Variants in STMND1 observed in about 807,000 individuals in gnomAD.
STMND1 encodes stathmin domain-containing protein 1.
Under a neutral mutation model 23.0 loss-of-function variants are expected in STMND1, and 17 were observed. The observed-to-expected ratio is 0.74, with a 90% CI of 0.51 to 1.11. STMND1 has a LOEUF of 1.11. Among genes scored for constraint, STMND1 ranks in the 50% least tolerant of loss-of-function variants. STMND1 has a pLI of 0.00. For missense variants in STMND1, 305 were observed against 329.1 expected (o/e 0.93, Z 0.57); for synonymous variants, 114 against 119.9 (o/e 0.95, Z 0.32).
intron 1 of STMND1, among the ~76,000 whole-genome samples, chr6:17,104,309 C>CA (rs1760987227): frequency 1.3e-5 from 2 of 152,096 alleles, no homozygotes; most frequent in African/African-American, 4.8e-5. Context: ...CCTTTTCATA[C>CA]AAAAATCTTT....
chr6:17,123,540 C>T lies in STMND1; in HGVS notation c.411+2782C>T, dbSNP rs187000481. Among the ~76,000 whole-genome samples, 324 of 152,256 alleles carry T rather than the reference C, an allele frequency of 2.1e-3. 3 individuals carry two copies. Among genetic ancestry groups the T allele is most frequent in the Admixed American group, 0.018 (281 of 15,282 alleles). ...CATCCCAGTGCCTAGGTACCACTTC[C>T]GACCACACAGCCTGGGCGTGTGGCC... On this transcript the variant is annotated intron_variant, in intron 3 of 4. Transcript: ENST00000536551.
At position 17,126,057 on chromosome 6, in the gene STMND1, TATATATATATATA is replaced by T. The variant is rs1440877507; in HGVS notation, c.412-3054_412-3042del. Among the ~76,000 whole-genome samples, 171 of 28,250 alleles carry T rather than the reference TATATATATATATA, an allele frequency of 6.1e-3. 1 individual carries two copies. Among genetic ancestry groups the T allele is most frequent in the Non-Finnish European group, 8.1e-3 (125 of 15,404 alleles). 18.5% of individuals were successfully genotyped at this position (28,250 alleles called of 152,430 possible). A position where few individuals can be genotyped will look rare whatever the true frequency, so the allele number is the denominator to read the frequency against. ...TTTTATATATATATATATATATATA[TATATATATATATA>T]TTTTTTTTTTTTTTTTTTTTTTTTT... On this transcript the variant is annotated intron_variant, in intron 3 of 4. Transcript: ENST00000536551.
chr6:17,120,207 A>C (rs1297839821), intron 2 of STMND1, among the ~76,000 whole-genome samples: 6 of 152,210 alleles, frequency 3.9e-5, no homozygotes, highest in Admixed American at 1.3e-4. Flanking sequence ...TATACAAAGC[A>C]TGGAAACCAA....
At chr6:17,110,756 A>G (rs1761086755) in intron 1 of STMND1, 4 of 455,148 alleles carry the variant, frequency 8.8e-6, no homozygotes, top group Non-Finnish European at 1.8e-5. Context: ...TGACAGAGCA[A>G]GACTCTGTCT....
intron 2 of STMND1, among the ~76,000 whole-genome samples, chr6:17,120,100 G>A (rs763040027): frequency 2.0e-5 from 3 of 152,138 alleles, no homozygotes; most frequent in Non-Finnish European, 4.4e-5. Flanking sequence ...TCAAAAAGGC[G>A]TACTTTTACT....
intron 3 of STMND1, among the ~76,000 whole-genome samples, chr6:17,126,037 TATATATA>T (rs1761290948): frequency 3.9e-5 from 1 of 25,920 alleles, no homozygotes; most frequent in Admixed American, 5.3e-4. Context: ...CATTGTTTTA[TATATATA>T]TATATATATA....
chr6:17,102,636 G>T (rs956816017), intron 1 of STMND1, among the ~76,000 whole-genome samples: 2 of 152,176 alleles, frequency 1.3e-5, no homozygotes, highest in African/African-American at 4.8e-5. Flanking sequence ...TACGAAGGTG[G>T]TCACACCCCA....
intron 3 of STMND1, 172 bp from the exon 4 acceptor site, chr6:17,128,940 G>A (rs531844658): frequency 6.0e-4 from 295 of 490,612 alleles, no homozygotes; most frequent in Non-Finnish European, 8.8e-4. Flanking sequence ...CTCAAACTCC[G>A]GAGCTCAAGC....
chr6:17,107,172 G>A (rs1761035664), intron 1 of STMND1, among the ~76,000 whole-genome samples: 1 of 152,148 alleles, frequency 6.6e-6, no homozygotes, highest in Admixed American at 6.5e-5. Flanking sequence ...ACTTAAGAAG[G>A]TTTTAACTCA....
At chr6:17,121,178 C>T (rs1761228836) in intron 3 of STMND1, among the ~76,000 whole-genome samples, 1 of 152,210 alleles carries the variant, frequency 6.6e-6, no homozygotes, top group South Asian at 2.1e-4. Flanking sequence ...TTCCTGAGGC[C>T]TTCCCAGCCA....
chr6:17,121,023 G>A (rs1761226770), intron 3 of STMND1, among the ~76,000 whole-genome samples: 1 of 152,270 alleles, frequency 6.6e-6, no homozygotes, highest in Middle Eastern at 3.4e-3. Flanking sequence ...GAATCATGGA[G>A]GTGGTTTCCC....
intron 3 of STMND1, among the ~76,000 whole-genome samples, chr6:17,126,743 G>A (rs1447564441): frequency 1.3e-5 from 2 of 152,246 alleles, no homozygotes; most frequent in East Asian, 1.9e-4. Context: ...AACATTCCAC[G>A]GTTTTCAAGC....
intron 3 of STMND1, among the ~76,000 whole-genome samples, chr6:17,127,083 G>T (rs1761318241): frequency 6.6e-6 from 1 of 152,202 alleles, no homozygotes; most frequent in Non-Finnish European, 1.5e-5. Context: ...ATGAGTTTGT[G>T]TTCTGCCTTT....
At position 17,120,774 on chromosome 6, in the gene STMND1, A is replaced by G. The variant is rs1205873591; in HGVS notation, c.411+16A>G. 6.6e-7 allele frequency: 1 copy of G among 1,510,978 alleles called. No homozygotes were observed. The highest frequency in any genetic ancestry group is 8.8e-7 in the Non-Finnish European group (1 of 1,134,280). 93.6% of individuals were successfully genotyped at this position (1,510,978 alleles called of 1,614,324 possible). ...TGATGTCACGGCAAGTAATTTTGTA[A>G]TTAACATTAGCTTATAGTTAAAATT... On this transcript the variant is annotated intron_variant, in intron 3 of 4. Coordinates refer to ENST00000536551, the MANE Select transcript of STMND1 (RefSeq NM_001190766.2).
At chr6:17,114,013 C>G (rs1316208538) in intron 1 of STMND1, among the ~76,000 whole-genome samples, 1 of 152,130 alleles carries the variant, frequency 6.6e-6, no homozygotes, top group African/African-American at 2.4e-5. Flanking sequence ...TTTTTGGCAC[C>G]AGGGACCAGT....
At chr6:17,113,396 T>C (rs1761118464) in intron 1 of STMND1, among the ~76,000 whole-genome samples, 2 of 152,340 alleles carry the variant, frequency 1.3e-5, no homozygotes, top group South Asian at 4.1e-4. Context: ...AGTTCTACTC[T>C]TGAAGCCTTT....
chr6:17,126,068 ATATTTTTTTTTT>A (rs1761298839), intron 3 of STMND1, among the ~76,000 whole-genome samples: 2 of 21,380 alleles, frequency 9.4e-5, no homozygotes, highest in South Asian at 3.0e-3. Flanking sequence ...ATATATATAT[ATATTTTTTTTTT>A]TTTTTTTTTT....
At position 17,102,263 on chromosome 6, in the gene STMND1, C is replaced by G; in HGVS notation, c.6C>G (p.Gly2=). 2 of 1,535,878 alleles carry G rather than the reference C, an allele frequency of 1.3e-6. No individual in the cohort carries two copies. The highest frequency in any genetic ancestry group is 1.7e-6 in the Non-Finnish European group (2 of 1,146,756). The change falls in exon 1 of 5, where the codon GGC becomes GGG. Residue 2 remains glycine (G), a synonymous_variant. Transcript: ENST00000536551. ...GAGGAGCGCGCGCGCGCAGCATGGG[C>G]TGTGGACCTTCCCAACCTGCTGAAG... M[G]CGPSQPAEDR...
intron 2 of STMND1, among the ~76,000 whole-genome samples, chr6:17,119,576 T>C (rs1761203005): frequency 6.6e-6 from 1 of 152,052 alleles, no homozygotes; most frequent in Non-Finnish European, 1.5e-5. Context: ...GGCACACACC[T>C]GTAATCCCAG....
Sources: gnomAD v4.1 joint callset for allele counts (sites outside exome capture counted in the v4.1 genomes callset) on GRCh38, gnomAD v4.1.1 for gene constraint, MANE v1.5 for transcripts, NCBI Gene and HGNC (gene_info 2026-07-23, HGNC 2026-07-21) for gene names.